GALNT13: variants seen among roughly 807,000 people sequenced by gnomAD.
The protein encoded by GALNT13 is UDP-GalNAc:polypeptide N-acetylgalactosaminyltransferase 13.
Under a neutral mutation model 64.2 loss-of-function variants are expected in GALNT13, and 28 were observed. The ratio of observed to expected loss-of-function variants is 0.44; its 90% CI spans 0.32 to 0.60. The LOEUF (loss-of-function observed/expected upper bound fraction) is 0.60, where lower values mean the gene tolerates loss of function less well. Ranked by LOEUF, GALNT13 falls within the 20% of genes least tolerant of loss-of-function variation. GALNT13 has a pLI of 0.05. For synonymous variants in GALNT13, 214 were observed against 224.6 expected, an observed-to-expected ratio of 0.95 and a Z score of 0.42; for missense variants, 577 against 669.8, an observed-to-expected ratio of 0.86 and a Z score of 1.53.
At chr2:153,537,044 A>G in the GALNT13 span, among the ~76,000 whole-genome samples, 2 of 152,156 alleles carry the variant, frequency 1.3e-5, no homozygotes, top group African/African-American at 2.4e-5. Flanking sequence ...GCTGCTTTTC[A>G]AAGGATTAGT....
chr2:153,937,602 A>G (rs1454812846), intron 2 of GALNT13, among the ~76,000 whole-genome samples: 1 of 152,218 alleles, frequency 6.6e-6, no homozygotes, highest in Non-Finnish European at 1.5e-5. Flanking sequence ...TATACTTTAA[A>G]TGAGTGAATT....
At chr2:153,368,847 T>A in the GALNT13 span, among the ~76,000 whole-genome samples, 1 of 151,844 alleles carries the variant, frequency 6.6e-6, no homozygotes, top group East Asian at 1.9e-4. Context: ...TAGAGAACTT[T>A]CCACCCAGAA....
At chr2:153,361,589 T>C in the GALNT13 span, among the ~76,000 whole-genome samples, 6 of 151,596 alleles carry the variant, frequency 4.0e-5, no homozygotes, top group Admixed American at 6.6e-5. Flanking sequence ...CAATTACCAA[T>C]AGCCAAATCA....
the GALNT13 span, among the ~76,000 whole-genome samples, chr2:153,668,711 G>A: frequency 1.3e-5 from 2 of 152,066 alleles, no homozygotes; most frequent in Admixed American, 1.3e-4. Context: ...TAGGTAAGCA[G>A]CGACCCACAC....
chr2:154,363,757 C>T (rs1697210180), intron 9 of GALNT13, among the ~76,000 whole-genome samples: 1 of 152,120 alleles, frequency 6.6e-6, no homozygotes, highest in South Asian at 2.1e-4. Context: ...CTATGCCTTC[C>T]ACATCATGTT....
At chr2:153,861,825 C>T in the GALNT13 span, among the ~76,000 whole-genome samples, 25 of 152,130 alleles carry the variant, frequency 1.6e-4, no homozygotes, top group Admixed American at 4.6e-4. Context: ...GTGATCTGTC[C>T]GCCTCAGCAT....
the GALNT13 span, among the ~76,000 whole-genome samples, chr2:153,605,132 C>T: frequency 6.6e-6 from 1 of 152,224 alleles, no homozygotes; most frequent in South Asian, 2.1e-4. Context: ...AATGAAAAGC[C>T]TGTGTGCTCA....
the GALNT13 span, among the ~76,000 whole-genome samples, chr2:153,784,919 G>A: frequency 1.3e-5 from 2 of 152,266 alleles, 1 homozygote; most frequent in Admixed American, 1.3e-4. Context: ...GAGACAACTA[G>A]GGACTGAAGT....
In GALNT13 at chr2:154,298,684, T is replaced by TG. The variant is rs1559075925; in HGVS notation, c.976-2725_976-2724insG. ...ATTTATATATACATTGTATATACAA[T>TG]TTATATATACATTGTATATACAATT... On this transcript the variant is annotated intron_variant, in intron 8 of 12. Transcript: ENST00000392825. Among the ~76,000 whole-genome samples, 52 of 56,856 alleles carry TG rather than the reference T, an allele frequency of 9.1e-4. 6 individuals carry two copies. The highest frequency in any genetic ancestry group is 1.1e-3 in the African/African-American group (17 of 14,816). 37.3% of individuals were successfully genotyped at this position (56,856 alleles called of 152,430 possible).
At chr2:153,625,671 C>T in the GALNT13 span, among the ~76,000 whole-genome samples, 2 of 152,080 alleles carry the variant, frequency 1.3e-5, no homozygotes, top group African/African-American at 4.8e-5. Context: ...TCCTCCTTGA[C>T]TGTTGCTGAA....
At chr2:153,642,769 C>T in the GALNT13 span, among the ~76,000 whole-genome samples, 2 of 151,736 alleles carry the variant, frequency 1.3e-5, no homozygotes, top group South Asian at 4.1e-4. Flanking sequence ...ACAATTAAAG[C>T]ACATCTCATT....
At chr2:153,943,437 A>C (rs1253869654) in intron 2 of GALNT13, among the ~76,000 whole-genome samples, 10 of 152,058 alleles carry the variant, frequency 6.6e-5, no homozygotes. Flanking sequence ...TCTACTTAAG[A>C]ATATGAGAAC....
At chr2:154,007,996 A>G (rs1213972025) in intron 3 of GALNT13, among the ~76,000 whole-genome samples, 1 of 148,952 alleles carries the variant, frequency 6.7e-6, no homozygotes, top group Non-Finnish European at 1.5e-5. Context: ...CCCCCCAACT[A>G]TTCTCATGGT....
At chr2:153,251,003 C>T in the GALNT13 span, among the ~76,000 whole-genome samples, 1 of 152,110 alleles carries the variant, frequency 6.6e-6, no homozygotes. Context: ...TGTAACAAAC[C>T]TGCACATTCT....
the GALNT13 span, among the ~76,000 whole-genome samples, chr2:153,613,680 T>C: frequency 2.9e-4 from 44 of 152,264 alleles, no homozygotes; most frequent in Non-Finnish European, 2.9e-4. Context: ...TGTGTCCAAG[T>C]GTTCTCATTG....
Position 154,000,940 on chromosome 2 carries a change from A to G in GALNT13, c.142+56301A>G, listed in dbSNP as rs113646556. Among the ~76,000 whole-genome samples, 5 of 152,024 alleles carry G rather than the reference A, an allele frequency of 3.3e-5. 1 individual carries two copies. Among genetic ancestry groups the G allele is most frequent in the African/African-American group, 9.6e-5 (4 of 41,524 alleles). On this transcript the variant is annotated intron_variant, in intron 3 of 12. Transcript: ENST00000392825. ...GCAACCAATCTCTCCCTTTAGGTCTATGTGTATTTGCTGTATATATTTGGG... is the reference window on the plus strand; with the variant it reads ...GCAACCAATCTCTCCCTTTAGGTCTGTGTGTATTTGCTGTATATATTTGGG...
the GALNT13 span, among the ~76,000 whole-genome samples, chr2:153,685,089 G>A: frequency 4.6e-5 from 7 of 151,502 alleles, no homozygotes; most frequent in African/African-American, 4.8e-5. Flanking sequence ...CCATGTCTTC[G>A]CTATTGTGAA....
intron 4 of GALNT13, among the ~76,000 whole-genome samples, chr2:154,172,724 A>G (rs964657005): frequency 6.6e-6 from 1 of 151,846 alleles, no homozygotes; most frequent in African/African-American, 2.4e-5. Flanking sequence ...GGGCACTTAC[A>G]TTGATTCCAT....
chr2:153,082,592 T>TAC, the GALNT13 span, among the ~76,000 whole-genome samples: 1 of 39,766 alleles, frequency 2.5e-5, no homozygotes, highest in Non-Finnish European at 4.8e-5. Context: ...TATATATATA[T>TAC]ATATATATAT....
Sources: allele counts gnomAD v4.1 joint callset (sites outside exome capture counted in the v4.1 genomes callset), GRCh38; gene constraint gnomAD v4.1.1; transcripts MANE v1.5; gene names NCBI Gene and HGNC (gene_info 2026-07-23, HGNC 2026-07-21).